The following DNAH14 variants were observed in gnomAD, a reference collection of about 807,000 sequenced individuals.
DNAH14 encodes the protein axonemal beta dynein heavy chain 14.
In DNAH14, 478 loss-of-function variants were observed where a neutral mutation model predicts 520.9. That is an observed-to-expected ratio of 0.92 (90% CI 0.85 to 0.99). The LOEUF is 0.99. Ranked by LOEUF, DNAH14 falls within the 50% of genes least tolerant of loss-of-function variation. The pLI is 0.00. For synonymous variants in DNAH14, 1,581 were observed against 1,757.2 expected (o/e 0.90, Z 2.51); for missense variants, 4,831 against 5,234.5 (o/e 0.92, Z 2.38).
intron 80 of DNAH14, among the ~76,000 whole-genome samples, 184 bp downstream of exon 80, chr1:225,380,506 C>T (rs1372647838): frequency 1.3e-5 from 2 of 152,190 alleles, no homozygotes; most frequent in African/African-American, 4.8e-5. Flanking sequence ...AAGAAAATCA[C>T]GCTTTAGTTT....
At chr1:225,138,596 A>C (rs1271964809) in intron 27 of DNAH14, among the ~76,000 whole-genome samples, 1 of 152,152 alleles carries the variant, frequency 6.6e-6, no homozygotes, top group Non-Finnish European at 1.5e-5. Flanking sequence ...TGCAGACTCC[A>C]CACAGCTCTG....
chr1:225,049,302 C>G (rs926813937), intron 15 of DNAH14, among the ~76,000 whole-genome samples: 10 of 151,824 alleles, frequency 6.6e-5, no homozygotes, highest in African/African-American at 2.4e-4. Flanking sequence ...ACCTGGTGAT[C>G]CACCCACCTC....
intron 3 of DNAH14, among the ~76,000 whole-genome samples, chr1:224,958,434 C>G (rs1366098790): frequency 6.6e-6 from 1 of 151,894 alleles, no homozygotes; most frequent in African/African-American, 2.4e-5. Flanking sequence ...CCAGGGGCAG[C>G]GTTTTGCCAT....
chr1:225,218,746 T>A (rs569125226), intron 41 of DNAH14, among the ~76,000 whole-genome samples: 1 of 152,090 alleles, frequency 6.6e-6, no homozygotes, highest in South Asian at 2.1e-4. Context: ...CAATATTAGA[T>A]CAACAAGACA....
At chr1:225,036,063 A>C (rs971400597) in intron 11 of DNAH14, among the ~76,000 whole-genome samples, 1 of 152,134 alleles carries the variant, frequency 6.6e-6, no homozygotes, top group Non-Finnish European at 1.5e-5. Context: ...AAAGAAAAGA[A>C]ACCTGAGAGG....
At chr1:225,280,049 C>T (rs891007624) in intron 54 of DNAH14, among the ~76,000 whole-genome samples, 7 of 151,662 alleles carry the variant, frequency 4.6e-5, no homozygotes, top group African/African-American at 1.7e-4. Context: ...GAGATGAAAA[C>T]TTCACTAGAG....
At chr1:224,983,903 A>T (rs1354919335) in intron 8 of DNAH14, among the ~76,000 whole-genome samples, 2 of 152,196 alleles carry the variant, frequency 1.3e-5, no homozygotes, top group African/African-American at 4.8e-5. Flanking sequence ...TGACACAAAC[A>T]AATGGAAACA....
In DNAH14 at chr1:225,196,261, C is replaced by T. The variant is rs1027940104; in HGVS notation, c.5886+3350C>T. On this transcript the variant is annotated intron_variant, in intron 38 of 85. Coordinates refer to ENST00000682510, the MANE Select transcript of DNAH14 (RefSeq NM_001367479.1). ...CTTAGCTCCCCCTTATAAGTGAGAG[C>T]GTATGATGTTTGGTTTTCCATTACT... is the stretch of plus-strand genomic sequence containing the variant. Among the ~76,000 whole-genome samples, 9 of 152,184 alleles carry T rather than the reference C, an allele frequency of 5.9e-5. No individual in the cohort carries two copies. In the South Asian group the frequency reaches 8.3e-4, roughly 14 times the overall value.
chr1:225,220,680 A>G lies in DNAH14; in HGVS notation c.6440-10393A>G, dbSNP rs187685615. ...ATATAAACAAATGGAAAAATATTCC[A>G]TGCTCATGGATAGGAAGAATCAATA... On this transcript the variant is annotated intron_variant, in intron 41 of 85. Coordinates refer to ENST00000682510, the MANE Select transcript of DNAH14 (RefSeq NM_001367479.1). Among the ~76,000 whole-genome samples the G allele has an allele frequency of 1.4e-3, 209 of 152,306 alleles. 1 individual carries two copies. The highest frequency in any genetic ancestry group is 6.0e-3 in the South Asian group (29 of 4,828).
chr1:225,204,077 G>C (rs990300242), intron 38 of DNAH14, 106 bp from the exon 39 acceptor site: 3 of 572,138 alleles, frequency 5.2e-6, no homozygotes, highest in Non-Finnish European at 8.6e-6. Flanking sequence ...AGAACCCTCT[G>C]CCTTTTATAT....
chr1:225,040,923 A>G lies in DNAH14; in HGVS notation c.1489-1912A>G, dbSNP rs77673256. Reference sequence around the variant, plus strand: ...GATAGGTGTGAAATGGCATTTTGCCAAAGTTTTAATTTGAATTTCCCTTAT... The same window carrying G: ...GATAGGTGTGAAATGGCATTTTGCCGAAGTTTTAATTTGAATTTCCCTTAT... On this transcript the variant is annotated intron_variant, in intron 12 of 85. Coordinates refer to ENST00000682510, the MANE Select transcript of DNAH14 (RefSeq NM_001367479.1). Among the ~76,000 whole-genome samples the G allele has an allele frequency of 1.2e-4, 19 of 152,318 alleles. No individual in the cohort carries two copies. In the East Asian group the frequency reaches 3.3e-3, roughly 26 times the overall value.
Position 224,955,118 on chromosome 1 carries a change from T to C in DNAH14, c.217+20T>C. ...CAGAAGGTATTTATCAAGATTACTA[T>C]TCTGGCATGTTGATTTATATTTTAG... On this transcript the variant is annotated intron_variant, in intron 3 of 85. Transcript: ENST00000682510. The C allele has an allele frequency of 6.3e-7, 1 of 1,597,922 alleles. No individual in the cohort carries two copies. Among genetic ancestry groups the C allele is most frequent in the Non-Finnish European group, 8.5e-7 (1 of 1,174,484 alleles).
chr1:225,201,226 T>A (rs1225799036), intron 38 of DNAH14, among the ~76,000 whole-genome samples: 2 of 152,124 alleles, frequency 1.3e-5, no homozygotes, highest in African/African-American at 4.8e-5. Context: ...TATTGTTTTT[T>A]ATTTATGCTA....
chr1:225,244,964 C>T (rs1298832545), intron 43 of DNAH14, among the ~76,000 whole-genome samples: 2 of 152,018 alleles, frequency 1.3e-5, no homozygotes, highest in Non-Finnish European at 2.9e-5. Flanking sequence ...TAGATCTTTC[C>T]CGCTTTCTGA....
intron 31 of DNAH14, among the ~76,000 whole-genome samples, chr1:225,150,679 G>A (rs1010301233): frequency 2.0e-5 from 3 of 151,980 alleles, no homozygotes; most frequent in African/African-American, 7.3e-5. Flanking sequence ...TCTAGTTTGT[G>A]TGCCTAGAGG....
Position 224,954,199 on chromosome 1 carries a change from C to T in DNAH14, c.78-760C>T, listed in dbSNP as rs114638878. ...TTATAAACAAAGAGGGAACTTAAAG[C>T]GCTCAAAGGAAAAGGATTTAAGAAT... On this transcript the variant is annotated intron_variant, in intron 2 of 85. Transcript: ENST00000682510. 7.6e-3 allele frequency among the ~76,000 whole-genome samples: 1,151 copies of T among 151,970 alleles called. 18 individuals are homozygous for T. Among genetic ancestry groups the T allele is most frequent in the African/African-American group, 0.026 (1,088 of 41,496 alleles).
At chr1:225,231,013 T>C in intron 41 of DNAH14, 60 bp from the exon 42 acceptor site, 26 of 1,216,126 alleles carry the variant, frequency 2.1e-5, no homozygotes, top group Non-Finnish European at 3.0e-5. Context: ...ACCTCATTAG[T>C]TTACCAGATA....
chr1:225,363,984 AC>A (rs1044553225), intron 75 of DNAH14, among the ~76,000 whole-genome samples: 2 of 152,206 alleles, frequency 1.3e-5, no homozygotes, highest in African/African-American at 2.4e-5. Flanking sequence ...TGGATGTGGA[AC>A]CTATGGATAT....
intron 41 of DNAH14, among the ~76,000 whole-genome samples, chr1:225,215,901 G>C (rs1358876070): frequency 6.6e-6 from 1 of 152,110 alleles, no homozygotes; most frequent in Non-Finnish European, 1.5e-5. Flanking sequence ...TTGCATTTAA[G>C]ATTAATATTG....
Sources: allele counts gnomAD v4.1 joint callset (sites outside exome capture counted in the v4.1 genomes callset), GRCh38; gene constraint gnomAD v4.1.1; transcripts MANE v1.5; gene names NCBI Gene and HGNC (gene_info 2026-07-23, HGNC 2026-07-21).